The following GALNT13 variants were observed in gnomAD, a reference collection of about 807,000 sequenced individuals.
The protein encoded by GALNT13 is UDP-GalNAc:polypeptide N-acetylgalactosaminyltransferase 13.
In GALNT13, 28 loss-of-function variants were observed where a neutral mutation model predicts 64.2. The observed-to-expected ratio is 0.44, with a 90% CI of 0.32 to 0.60. The LOEUF (loss-of-function observed/expected upper bound fraction) is 0.60, where lower values mean the gene tolerates loss of function less well. GALNT13 is among the 20% of genes least tolerant of loss of function. The pLI, the probability that GALNT13 is intolerant of heterozygous loss-of-function variation, is 0.05. For synonymous variants in GALNT13, 214 were observed against 224.6 expected (o/e 0.95, Z 0.42); for missense variants, 577 against 669.8 (o/e 0.86, Z 1.53).
the GALNT13 span, among the ~76,000 whole-genome samples, chr2:153,785,808 G>A: frequency 2.0e-5 from 3 of 152,254 alleles, no homozygotes; most frequent in South Asian, 6.2e-4. Flanking sequence ...CGTGGGGGAT[G>A]CCATATTTGC....
intron 4 of GALNT13, among the ~76,000 whole-genome samples, chr2:154,176,102 A>G (rs1041805739): frequency 6.6e-6 from 1 of 152,072 alleles, no homozygotes; most frequent in East Asian, 1.9e-4. Flanking sequence ...ACATAGATCA[A>G]ATATACACAC....
chr2:153,931,668 T>C (rs1427715146), intron 2 of GALNT13, among the ~76,000 whole-genome samples: 1 of 152,194 alleles, frequency 6.6e-6, no homozygotes, highest in Non-Finnish European at 1.5e-5. Context: ...TTCACGTATG[T>C]TGAACCAACC....
At chr2:153,475,198 A>G in the GALNT13 span, among the ~76,000 whole-genome samples, 1 of 152,152 alleles carries the variant, frequency 6.6e-6, no homozygotes, top group African/African-American at 2.4e-5. Flanking sequence ...AACCAGAACT[A>G]CTTGGCATCT....
At chr2:154,224,819 T>C (rs78851713) in intron 4 of GALNT13, among the ~76,000 whole-genome samples, 3,122 of 152,132 alleles carry the variant, frequency 0.021, 93 homozygotes, top group African/African-American at 0.064. Context: ...CTCTTAACCT[T>C]GGTGGAAGGA....
At chr2:153,758,457 A>T in the GALNT13 span, among the ~76,000 whole-genome samples, 3 of 152,000 alleles carry the variant, frequency 2.0e-5, no homozygotes, top group African/African-American at 7.3e-5. Flanking sequence ...AGGGTGCAAG[A>T]TTGTCTTGGA....
chr2:154,030,786 A>G (rs1698283881), intron 3 of GALNT13, among the ~76,000 whole-genome samples: 1 of 152,054 alleles, frequency 6.6e-6, no homozygotes, highest in African/African-American at 2.4e-5. Context: ...CTGTGGAAAG[A>G]TGTACCTTGT....
chr2:154,442,543 G>A (rs1242394801), intron 12 of GALNT13, among the ~76,000 whole-genome samples: 2 of 151,958 alleles, frequency 1.3e-5, no homozygotes, highest in African/African-American at 2.4e-5. Context: ...ACCCTTCTGT[G>A]CCATGAAATG....
At chr2:153,862,826 T>C in the GALNT13 span, among the ~76,000 whole-genome samples, 11 of 152,208 alleles carry the variant, frequency 7.2e-5, no homozygotes, top group East Asian at 1.9e-4. Flanking sequence ...AATTCTAATA[T>C]GTTATATGCT....
At chr2:153,097,727 A>G in the GALNT13 span, among the ~76,000 whole-genome samples, 1 of 152,014 alleles carries the variant, frequency 6.6e-6, no homozygotes, top group Non-Finnish European at 1.5e-5. Context: ...TTCTTTCCTA[A>G]TTTTTGGTAT....
At chr2:153,821,002 T>A in the GALNT13 span, among the ~76,000 whole-genome samples, 1 of 128,958 alleles carries the variant, frequency 7.8e-6, no homozygotes, top group Non-Finnish European at 1.7e-5. Context: ...AGGATCAAAG[T>A]AAAGAGTTGG....
At chr2:153,075,820 A>T in the GALNT13 span, among the ~76,000 whole-genome samples, 3 of 152,260 alleles carry the variant, frequency 2.0e-5, no homozygotes, top group East Asian at 5.8e-4. Flanking sequence ...GTAAATATGC[A>T]TATATATTGT....
At chr2:154,245,104 A>AAAAT (rs61010587) in intron 6 of GALNT13, among the ~76,000 whole-genome samples, 71,751 of 137,458 alleles carry the variant, frequency 0.52, 19,136 homozygotes, top group Admixed American at 0.58. Context: ...AGGCTCTGTC[A>AAAAT]AAATAAATAA....
intron 3 of GALNT13, among the ~76,000 whole-genome samples, chr2:154,067,092 A>G (rs569695128): frequency 1.5e-4 from 23 of 152,198 alleles, no homozygotes; most frequent in African/African-American, 5.3e-4. Flanking sequence ...GTTTAAAATA[A>G]TGGGTTATAA....
the GALNT13 span, among the ~76,000 whole-genome samples, chr2:153,327,442 G>A: frequency 6.6e-6 from 1 of 151,992 alleles, no homozygotes; most frequent in Non-Finnish European, 1.5e-5. Context: ...TGAAACGTAG[G>A]TTTGGTCTTT....
chr2:153,974,421 TAAG>T (rs1179410334), intron 3 of GALNT13, among the ~76,000 whole-genome samples: 2 of 152,072 alleles, frequency 1.3e-5, no homozygotes, highest in South Asian at 2.1e-4. Flanking sequence ...ATCTTGAAAA[TAAG>T]AATAATGACC....
chr2:153,393,258 G>A, the GALNT13 span, among the ~76,000 whole-genome samples: 1 of 145,658 alleles, frequency 6.9e-6, no homozygotes, highest in Middle Eastern at 3.6e-3. Context: ...AACAGACTCA[G>A]AAGTCTCCAT....
the GALNT13 span, among the ~76,000 whole-genome samples, chr2:153,286,306 A>C: frequency 6.6e-6 from 1 of 152,252 alleles, no homozygotes; most frequent in South Asian, 2.1e-4. Context: ...CATTATCTTT[A>C]CAATTCTCTT....
At chr2:153,916,082 T>C (rs1057390740) in intron 2 of GALNT13, among the ~76,000 whole-genome samples, 1 of 151,994 alleles carries the variant, frequency 6.6e-6, no homozygotes. Context: ...TTTTCTTTTC[T>C]TTTTCCTTCC....
At chr2:153,171,432 CA>C in the GALNT13 span, among the ~76,000 whole-genome samples, 1 of 151,826 alleles carries the variant, frequency 6.6e-6, no homozygotes, top group Non-Finnish European at 1.5e-5. Flanking sequence ...TTTAGAAATG[CA>C]AAAACAACTC....
Sources: gnomAD v4.1 joint callset for allele counts (sites outside exome capture counted in the v4.1 genomes callset) on GRCh38, gnomAD v4.1.1 for gene constraint, MANE v1.5 for transcripts, NCBI Gene and HGNC (gene_info 2026-07-23, HGNC 2026-07-21) for gene names.